SHISAL1: variants seen among roughly 807,000 people sequenced by gnomAD.
The protein encoded by SHISAL1 is protein shisa-like-1.
Under a neutral mutation model 22.6 loss-of-function variants are expected in SHISAL1, and 9 were observed. That is an observed-to-expected ratio of 0.40 (90% CI 0.24 to 0.70). The LOEUF is 0.70. Among genes scored for constraint, SHISAL1 ranks in the 30% least tolerant of loss-of-function variants. The pLI is 0.39. For synonymous variants in SHISAL1, 119 were observed against 115.4 expected (o/e 1.03, Z -0.20); for missense variants, 246 against 270.6 (o/e 0.91, Z 0.64).
At chr22:44,272,239 G>A (rs148537688) in intron 4 of SHISAL1, among the ~76,000 whole-genome samples, 2 of 152,338 alleles carry the variant, frequency 1.3e-5, no homozygotes, top group Non-Finnish European at 2.9e-5. Flanking sequence ...ACTCCAGATA[G>A]CTGTGCTAGG....
At chr22:44,311,733 C>T (rs1257475744) in intron 1 of SHISAL1, among the ~76,000 whole-genome samples, 1 of 152,244 alleles carries the variant, frequency 6.6e-6, no homozygotes, top group African/African-American at 2.4e-5. Context: ...GCCCCACTGT[C>T]CTCCAGGGGG....
rs135388 is a variant in SHISAL1, at chr22:44,285,732, A to G, written c.295T>C (p.Leu99=). Residue 99 remains leucine, a synonymous_variant, in exon 4 of 5, where the codon TTG becomes CTG. Transcript: ENST00000381176. ...AATCCATAGATCCACACTCCCAACA[A>G]GGCGGTGTAATTGCTGCGAACAAAC... is the stretch of plus-strand genomic sequence containing the variant. ...EGYMHNNYTA[L]LGVWIYGFFV... 957,467 of 1,610,812 alleles carry G rather than the reference A, an allele frequency of 0.59. 291,030 individuals are homozygous for G. Among genetic ancestry groups the G allele is most frequent in the Non-Finnish European group, 0.63 (736,938 of 1,177,424 alleles).
At chr22:44,295,868 G>C (rs1239024960) in intron 3 of SHISAL1, among the ~76,000 whole-genome samples, 2 of 152,194 alleles carry the variant, frequency 1.3e-5, no homozygotes. Context: ...TGTTCCCATT[G>C]CTTTTCTAAC....
chr22:44,299,841 T>TAGACAGAGACAGAG (rs1040745869), intron 2 of SHISAL1, among the ~76,000 whole-genome samples: 2 of 126,114 alleles, frequency 1.6e-5, no homozygotes, highest in African/African-American at 6.1e-5. Context: ...CACAGAGAGA[T>TAGACAGAGACAGAG]AGACAGAGAC....
chr22:44,302,675 G>GT (rs1219775062), intron 1 of SHISAL1, among the ~76,000 whole-genome samples: 2 of 136,300 alleles, frequency 1.5e-5, no homozygotes, highest in African/African-American at 2.8e-5. Flanking sequence ...AGGCCCTGGG[G>GT]TGGGTGCGGT....
chr22:44,302,206 G>A (rs1289274550), intron 1 of SHISAL1, among the ~76,000 whole-genome samples: 1 of 152,048 alleles, frequency 6.6e-6, no homozygotes, highest in Non-Finnish European at 1.5e-5. Flanking sequence ...CGGGCATGGT[G>A]GTGCATGTCT....
intron 1 of SHISAL1, among the ~76,000 whole-genome samples, chr22:44,312,199 G>GTTCA (rs2055523974): frequency 2.0e-5 from 3 of 152,166 alleles, no homozygotes; most frequent in Non-Finnish European, 4.4e-5. Flanking sequence ...GCATTCATTT[G>GTTCA]TTCGTTCATT....
intron 4 of SHISAL1, among the ~76,000 whole-genome samples, chr22:44,260,026 C>T (rs1043678915): frequency 1.1e-4 from 17 of 152,178 alleles, no homozygotes; most frequent in Admixed American, 5.9e-4. Flanking sequence ...TTCAAGACAA[C>T]GGTGAGTTTA....
At chr22:44,324,349 C>G in the SHISAL1 span, among the ~76,000 whole-genome samples, 1 of 152,218 alleles carries the variant, frequency 6.6e-6, no homozygotes, top group African/African-American at 2.4e-5. Context: ...AACACCGCCA[C>G]TGGTCTAACT....
chr22:44,312,244 C>T (rs779222386), intron 1 of SHISAL1, among the ~76,000 whole-genome samples: 11 of 152,148 alleles, frequency 7.2e-5, no homozygotes, highest in African/African-American at 7.2e-5. Flanking sequence ...TATTTCGTAC[C>T]GGTGTGATGC....
At chr22:44,286,904 G>T (rs1050736305) in intron 3 of SHISAL1, among the ~76,000 whole-genome samples, 1 of 152,254 alleles carries the variant, frequency 6.6e-6, no homozygotes, top group African/African-American at 2.4e-5. Context: ...CCCTGCTGCA[G>T]GCATGTGTTT....
intron 4 of SHISAL1, among the ~76,000 whole-genome samples, chr22:44,250,651 T>C (rs570796761): frequency 6.6e-6 from 1 of 152,264 alleles, no homozygotes; most frequent in Admixed American, 6.5e-5. Context: ...TGGGAGTCTA[T>C]TGGGAAGGGG....
At position 44,249,528 on chromosome 22, in the gene SHISAL1, C is replaced by G. The variant is rs1351499183; in HGVS notation, c.*157G>C. 1 of 621,736 alleles carries G rather than the reference C, an allele frequency of 1.6e-6. No homozygotes were observed. Among genetic ancestry groups the G allele is most frequent in the African/African-American group, 1.8e-5 (1 of 54,116 alleles). The allele number at this position is 621,736 out of a possible 1,614,324, so 38.5% of individuals were successfully genotyped here. On this transcript the variant is annotated 3_prime_UTR_variant, in exon 5 of 5. Coordinates refer to ENST00000381176, the MANE Select transcript of SHISAL1 (RefSeq NM_001099294.2). The stretch of plus-strand genomic sequence containing the variant: ...GAGTTTGCTCCTAATCTTAGAAGTC[C>G]GCGGAAGGGGGCTTTGGGCACAGGC...
chr22:44,271,444 G>T (rs559431174), intron 4 of SHISAL1, among the ~76,000 whole-genome samples: 152 of 152,308 alleles, frequency 1.0e-3, no homozygotes, highest in African/African-American at 3.5e-3. Context: ...GCTGGAGGGT[G>T]CTTAGGAGGA....
chr22:44,255,199 G>T (rs188814302), intron 4 of SHISAL1, among the ~76,000 whole-genome samples: 34 of 151,778 alleles, frequency 2.2e-4, no homozygotes, highest in Admixed American at 2.0e-3. Context: ...TATTTTTTTT[G>T]AGATGGAGTC....
At chr22:44,285,394 C>T (rs770132316) in intron 4 of SHISAL1, 34 bp downstream of exon 4, 27 of 1,607,256 alleles carry the variant, frequency 1.7e-5, no homozygotes, top group Non-Finnish European at 2.2e-5. Context: ...GACAATGACC[C>T]AAATCATTCT....
At chr22:44,295,275 C>T (rs1453102838) in intron 3 of SHISAL1, among the ~76,000 whole-genome samples, 4 of 150,266 alleles carry the variant, frequency 2.7e-5, no homozygotes, top group Non-Finnish European at 4.5e-5. Context: ...CATTTCATCT[C>T]GGGGGAAAAG....
At chr22:44,324,821 C>T in the SHISAL1 span, among the ~76,000 whole-genome samples, 1 of 152,226 alleles carries the variant, frequency 6.6e-6, no homozygotes. Context: ...CTCATCTCAG[C>T]TGCACGGCTC....
intron 4 of SHISAL1, among the ~76,000 whole-genome samples, chr22:44,255,331 A>G (rs2055077326): frequency 6.6e-6 from 1 of 152,188 alleles, no homozygotes; most frequent in Non-Finnish European, 1.5e-5. Context: ...GATATTTAAT[A>G]GATACCTCAA....
Sources: allele counts gnomAD v4.1 joint callset (sites outside exome capture counted in the v4.1 genomes callset), GRCh38; gene constraint gnomAD v4.1.1; transcripts MANE v1.5; gene names NCBI Gene and HGNC (gene_info 2026-07-23, HGNC 2026-07-21).